Variants in RGS22 observed in about 807,000 individuals in gnomAD.
The protein encoded by RGS22 is regulator of G protein signaling 22.
Under a neutral mutation model 172.9 loss-of-function variants are expected in RGS22, and 148 were observed. That is an observed-to-expected ratio of 0.86 (90% CI 0.75 to 0.98). The LOEUF is 0.98. Among genes scored for constraint, RGS22 ranks in the 50% least tolerant of loss-of-function variants. The pLI is 0.00. For synonymous variants in RGS22, 458 were observed against 480.2 expected (o/e 0.95, Z 0.60); for missense variants, 1,347 against 1,440.8 (o/e 0.93, Z 1.05).
At chr8:99,998,476 AG>A (rs1238199595) in intron 19 of RGS22, among the ~76,000 whole-genome samples, 1 of 152,148 alleles carries the variant, frequency 6.6e-6, no homozygotes, top group African/African-American at 2.4e-5. Flanking sequence ...AGGCTGAGGC[AG>A]GAAGATTGAT....
At chr8:100,072,648 C>G (rs1430853682) in intron 4 of RGS22, among the ~76,000 whole-genome samples, 3 of 151,688 alleles carry the variant, frequency 2.0e-5, no homozygotes, top group Non-Finnish European at 4.4e-5. Flanking sequence ...ACTGCAGGCC[C>G]CTTGTTCTTC....
chr8:99,985,769 A>G (rs1813029251), intron 21 of RGS22, among the ~76,000 whole-genome samples: 1 of 152,184 alleles, frequency 6.6e-6, no homozygotes, highest in Non-Finnish European at 1.5e-5. Context: ...GGAGAAAGTC[A>G]TAAAACTAAG....
Position 100,092,522 on chromosome 8 carries a change from A to T in RGS22, c.117+925T>A, listed in dbSNP as rs374544855. On this transcript the variant is annotated intron_variant, in intron 3 of 27. Coordinates refer to ENST00000360863, the MANE Select transcript of RGS22 (RefSeq NM_015668.5). Reference sequence around the variant, plus strand: ...TTGAGAGTGGGTTGGTTATCAAGAGAGTGTTATAAAACTTGTTTAAAGTTT... The same window carrying T: ...TTGAGAGTGGGTTGGTTATCAAGAGTGTGTTATAAAACTTGTTTAAAGTTT... 7.9e-5 allele frequency among the ~76,000 whole-genome samples: 12 copies of T among 152,176 alleles called. No homozygotes were observed. In the East Asian group the frequency reaches 1.9e-3, roughly 24 times the overall value.
intron 11 of RGS22, among the ~76,000 whole-genome samples, chr8:100,043,670 G>T (rs555309666): frequency 1.5e-4 from 23 of 152,204 alleles, no homozygotes; most frequent in African/African-American, 5.5e-4. Context: ...CAGCTGCTTG[G>T]GCGGCTGAGG....
chr8:100,046,039 G>T (rs1820681541), intron 11 of RGS22, among the ~76,000 whole-genome samples: 1 of 151,812 alleles, frequency 6.6e-6, no homozygotes, highest in African/African-American at 2.4e-5. Flanking sequence ...ATAGATTATG[G>T]TATATCTATT....
At chr8:99,991,019 G>A (rs1395018923) in intron 20 of RGS22, among the ~76,000 whole-genome samples, 1 of 152,172 alleles carries the variant, frequency 6.6e-6, no homozygotes, top group Non-Finnish European at 1.5e-5. Context: ...TGCAGCTGAG[G>A]AACCTGACTG....
chr8:100,009,424 CAAA>C (rs1238317237), intron 14 of RGS22, among the ~76,000 whole-genome samples: 1 of 45,694 alleles, frequency 2.2e-5, no homozygotes, highest in East Asian at 5.5e-4. Context: ...GACTCCACCT[CAAA>C]AAAAAAAAAA....
chr8:99,962,938 T>A lies in RGS22; in HGVS notation c.3656A>T (p.Gln1219Leu), dbSNP rs1367572278. ...CYSKYIEALE[Q>L]ERILLKIQEE... ...TTGGATCTTAAGAAGAATTCTCTCCTGTTCTAAGGCTTCTATATACTTTGA... is the reference window on the plus strand; with the variant it reads ...TTGGATCTTAAGAAGAATTCTCTCCAGTTCTAAGGCTTCTATATACTTTGA... Residue 1219 changes from glutamine to leucine, a missense_variant, in exon 25 of 28, where the codon CAG (glutamine) becomes CTG (leucine). Gln to Leu is a moderately radical substitution (Grantham distance 113). Coordinates refer to ENST00000360863, the MANE Select transcript of RGS22 (RefSeq NM_015668.5). 3.1e-6 allele frequency: 5 copies of A among 1,598,512 alleles called. No homozygotes were observed. The Middle Eastern group carries it at 6.9e-4, about 220-fold the overall frequency.
intron 20 of RGS22, among the ~76,000 whole-genome samples, chr8:99,988,140 G>A (rs1027696714): frequency 6.6e-6 from 1 of 151,164 alleles, no homozygotes; most frequent in Non-Finnish European, 1.5e-5. Flanking sequence ...ATTTTATCCT[G>A]AAAATATTAT....
intron 21 of RGS22, among the ~76,000 whole-genome samples, chr8:99,983,961 T>C (rs1812810981): frequency 6.6e-6 from 1 of 152,184 alleles, no homozygotes; most frequent in Non-Finnish European, 1.5e-5. Flanking sequence ...AATTAGCACT[T>C]CATACTCAAT....
intron 23 of RGS22, among the ~76,000 whole-genome samples, chr8:99,966,685 G>T (rs1459037401): frequency 6.6e-6 from 1 of 152,104 alleles, no homozygotes; most frequent in Non-Finnish European, 1.5e-5. Context: ...AGCCATGAAA[G>T]TAAGAACATT....
At chr8:100,036,933 T>C (rs1819557777) in intron 14 of RGS22, among the ~76,000 whole-genome samples, 1 of 152,184 alleles carries the variant, frequency 6.6e-6, no homozygotes, top group African/African-American at 2.4e-5. Context: ...CTTATTGTAT[T>C]GTGCCATTGG....
rs1247350551 is a variant in RGS22, at chr8:100,072,201, C to CA, written c.368_369insT (p.Trp123CysfsTer14). 31 of 1,599,210 alleles carry CA rather than the reference C, an allele frequency of 1.9e-5. No homozygotes were observed. The highest frequency in any genetic ancestry group is 2.6e-5 in the Non-Finnish European group (31 of 1,174,308). ...ATGCTGGAAGTCTTTCTTTTTTGAT[C>CA]CACTTAATACCTTCTTCACGACTGA... On this transcript the variant is annotated frameshift_variant, in exon 5 of 28. Transcript: ENST00000360863. LOFTEE classifies it high-confidence loss of function.
Position 99,961,030 on chromosome 8 carries a change from A to C in RGS22, c.*212T>G. The C allele has an allele frequency of 2.9e-6, 1 of 349,514 alleles. No individual in the cohort carries two copies. Among genetic ancestry groups the C allele is most frequent in the Non-Finnish European group, 5.6e-6 (1 of 180,104 alleles). The allele number at this position is 349,514 out of a possible 1,614,324, so 21.7% of individuals were successfully genotyped here. A position where few individuals can be genotyped will look rare whatever the true frequency, so the allele number is the denominator to read the frequency against. ...ATGTCATGTGTACAGAATAGCTATA[A>C]TTTTAAAACTGCGAGAGTAAGACAA... On this transcript the variant is annotated 3_prime_UTR_variant, in exon 28 of 28. Coordinates refer to ENST00000360863, the MANE Select transcript of RGS22 (RefSeq NM_015668.5).
intron 9 of RGS22, among the ~76,000 whole-genome samples, chr8:100,056,938 G>T (rs1174482427): frequency 6.6e-6 from 1 of 152,202 alleles, no homozygotes; most frequent in Non-Finnish European, 1.5e-5. Flanking sequence ...CCAACAGTTT[G>T]CACTGTGTGC....
At chr8:100,085,210 G>T (rs1812075473) in intron 3 of RGS22, among the ~76,000 whole-genome samples, 1 of 152,104 alleles carries the variant, frequency 6.6e-6, no homozygotes, top group Non-Finnish European at 1.5e-5. Context: ...TCTTTAGTAA[G>T]ATCACTCAGC....
chr8:100,062,510 T>C, intron 9 of RGS22, 81 bp downstream of exon 9: 2 of 880,910 alleles, frequency 2.3e-6, no homozygotes, highest in South Asian at 1.7e-5. Flanking sequence ...CCATAAGTTA[T>C]ATATCCGTAA....
At chr8:100,088,377 C>T (rs2514703) in intron 3 of RGS22, among the ~76,000 whole-genome samples, 95,742 of 151,842 alleles carry the variant, frequency 0.63, 30,593 homozygotes, top group African/African-American at 0.72. Flanking sequence ...CCTAAATCTA[C>T]GTGGGCTCAT....
At chr8:99,979,470 GAA>G (rs1812320675) in intron 22 of RGS22, among the ~76,000 whole-genome samples, 1 of 152,124 alleles carries the variant, frequency 6.6e-6, no homozygotes, top group Non-Finnish European at 1.5e-5. Flanking sequence ...TTGTGGATAA[GAA>G]AATGTTTTAA....
Sources: gnomAD v4.1 joint callset for allele counts (sites outside exome capture counted in the v4.1 genomes callset) on GRCh38, gnomAD v4.1.1 for gene constraint, MANE v1.5 for transcripts, NCBI Gene and HGNC (gene_info 2026-07-23, HGNC 2026-07-21) for gene names.